Variants in LMLN observed in about 807,000 individuals in gnomAD.
LMLN encodes the protein leishmanolysin-like peptidase.
Under a neutral mutation model 92.3 loss-of-function variants are expected in LMLN, and 70 were observed. The observed-to-expected ratio is 0.76, with a 90% CI of 0.63 to 0.92. The LOEUF is 0.92. LMLN is among the 40% of genes least tolerant of loss of function. LMLN has a pLI of 0.00. For missense variants in LMLN, 691 were observed against 814.6 expected (o/e 0.85, Z 1.85); for synonymous variants, 308 against 296.2 (o/e 1.04, Z -0.41).
At chr3:197,964,871 G>A (rs1004985562) in intron 1 of LMLN, among the ~76,000 whole-genome samples, 2 of 151,992 alleles carry the variant, frequency 1.3e-5, no homozygotes, top group Non-Finnish European at 2.9e-5. Context: ...ACCAGGTATG[G>A]TGGCGGGCAC....
chr3:198,023,709 A>T (rs1013729298), intron 13 of LMLN, among the ~76,000 whole-genome samples: 5 of 152,228 alleles, frequency 3.3e-5, no homozygotes, highest in African/African-American at 1.2e-4. Context: ...TAAAGAGAGC[A>T]AATTACTGCT....
intron 14 of LMLN, among the ~76,000 whole-genome samples, chr3:198,035,200 C>CA (rs33926276): frequency 0.41 from 39,647 of 96,350 alleles, 6,685 homozygotes; most frequent in Non-Finnish European, 0.44. Context: ...GACCCCATCT[C>CA]AAAAAAAAAA....
intron 11 of LMLN, among the ~76,000 whole-genome samples, chr3:198,017,713 T>C (rs1436376179): frequency 6.6e-6 from 1 of 152,114 alleles, no homozygotes; most frequent in Non-Finnish European, 1.5e-5. Flanking sequence ...GGTCCAGAGA[T>C]TGAGACCATC....
chr3:198,020,768 A>AT (rs71166715), intron 12 of LMLN, among the ~76,000 whole-genome samples: 4,013 of 32,852 alleles, frequency 0.12, 776 homozygotes, highest in Middle Eastern at 0.17. Flanking sequence ...TAATTTTTGT[A>AT]TTTTTTTTTT....
chr3:197,989,936 G>A (rs1346865711), intron 8 of LMLN, among the ~76,000 whole-genome samples: 6 of 152,180 alleles, frequency 3.9e-5, no homozygotes, highest in Non-Finnish European at 8.8e-5. Flanking sequence ...GTGCGGCTGT[G>A]TGAACATAGC....
intron 11 of LMLN, among the ~76,000 whole-genome samples, chr3:198,018,221 G>C (rs530419129): frequency 6.6e-6 from 1 of 152,302 alleles, no homozygotes; most frequent in East Asian, 1.9e-4. Flanking sequence ...ATGGTATCAA[G>C]AAAGTAACTG....
chr3:197,976,484 T>C lies in LMLN; in HGVS notation c.432-114T>C, dbSNP rs528890335. On this transcript the variant is annotated intron_variant, in intron 4 of 15. Transcript: ENST00000330198. ...TTCTTAGCTACTTTCCTGACTAAAA[T>C]AGTAACATTATTAATGAAGTAATAT... 4.0e-5 allele frequency: 23 copies of C among 577,460 alleles called. No homozygotes were observed. In the South Asian group the frequency reaches 6.9e-4, roughly 17 times the overall value. The allele number at this position is 577,460 out of a possible 1,614,324, so 35.8% of individuals were successfully genotyped here.
intron 1 of LMLN, among the ~76,000 whole-genome samples, chr3:197,973,311 G>A (rs916888519): frequency 4.7e-5 from 7 of 150,488 alleles, no homozygotes; most frequent in African/African-American, 1.5e-4. Flanking sequence ...ACAAAATCTC[G>A]GCTCACTGCA....
intron 4 of LMLN, 110 bp downstream of exon 4, chr3:197,976,221 G>T: frequency 3.3e-6 from 2 of 614,180 alleles, no homozygotes; most frequent in Non-Finnish European, 5.6e-6. Flanking sequence ...TATTATGCTT[G>T]TTCTTAGGGA....
intron 12 of LMLN, among the ~76,000 whole-genome samples, chr3:198,020,708 C>T (rs543114053): frequency 1.5e-4 from 22 of 150,854 alleles, no homozygotes; most frequent in Non-Finnish European, 2.4e-4. Flanking sequence ...ATTCTCCTGC[C>T]GCAGCTTCTC....
intron 14 of LMLN, among the ~76,000 whole-genome samples, chr3:198,027,727 C>G (rs1006439294): frequency 1.3e-5 from 2 of 152,218 alleles, no homozygotes; most frequent in African/African-American, 4.8e-5. Context: ...CAATAACACT[C>G]CATTGTATGG....
intron 9 of LMLN, 33 bp downstream of exon 9, chr3:197,990,709 C>T (rs748519704): frequency 1.9e-6 from 2 of 1,049,540 alleles, no homozygotes; most frequent in Non-Finnish European, 3.0e-6. Flanking sequence ...TCTCATGAGC[C>T]ATCTGTTCTT....
At chr3:198,020,678 C>T (rs1356049611) in intron 12 of LMLN, among the ~76,000 whole-genome samples, 2 of 151,252 alleles carry the variant, frequency 1.3e-5, no homozygotes, top group African/African-American at 4.9e-5. Flanking sequence ...ACTTCAACCT[C>T]TGCCTCCCAG....
At chr3:198,029,008 C>G (rs1168255928) in intron 14 of LMLN, among the ~76,000 whole-genome samples, 1 of 151,962 alleles carries the variant, frequency 6.6e-6, no homozygotes, top group African/African-American at 2.4e-5. Flanking sequence ...GTACTTTGAT[C>G]ATTCTGAATT....
intron 9 of LMLN, among the ~76,000 whole-genome samples, chr3:197,995,215 T>C (rs1332725099): frequency 6.6e-6 from 1 of 152,218 alleles, no homozygotes; most frequent in Non-Finnish European, 1.5e-5. Context: ...TTATTTTCTC[T>C]AGCTTCATTG....
Position 197,976,015 on chromosome 3 carries a change from TAA to T in LMLN, c.349-13_349-12del. 2.7e-6 allele frequency: 4 copies of T among 1,470,816 alleles called. No individual in the cohort carries two copies. In the Admixed American group the frequency reaches 5.9e-5, roughly 22 times the overall value. The allele number at this position is 1,470,816 out of a possible 1,614,324, so 91.1% of individuals were successfully genotyped here. On this transcript the variant is annotated splice_polypyrimidine_tract_variant and intron_variant, in intron 3 of 15. Transcript: ENST00000330198. ...TTATAATTCTGTTTCTTTTTTTTTT[TAA>T]CTTTTATTTAGAACAAGCTTTTCCC...
exon 16 of LMLN, chr3:198,041,680 A>C (rs796936415): frequency 2.0e-5 from 3 of 152,358 alleles, no homozygotes; most frequent in African/African-American, 7.2e-5. Context: ...TGTAAATTAA[A>C]AGTCAAAGCA....
chr3:198,010,752 A>G (rs1011690095), intron 11 of LMLN, among the ~76,000 whole-genome samples: 4 of 151,902 alleles, frequency 2.6e-5, no homozygotes, highest in African/African-American at 7.3e-5. Flanking sequence ...TGCCTGGCCT[A>G]TTTTTCTCTT....
chr3:197,987,675 T>C (rs1721751826), intron 8 of LMLN, among the ~76,000 whole-genome samples: 1 of 152,240 alleles, frequency 6.6e-6, no homozygotes, highest in Non-Finnish European at 1.5e-5. Context: ...CTTTTATTTA[T>C]GCAGGGTAGA....
Sources: allele counts gnomAD v4.1 joint callset (sites outside exome capture counted in the v4.1 genomes callset), GRCh38; gene constraint gnomAD v4.1.1; transcripts MANE v1.5; gene names NCBI Gene and HGNC (gene_info 2026-07-23, HGNC 2026-07-21).